PSMG1: variants seen among roughly 807,000 people sequenced by gnomAD.
PSMG1 encodes proteasome assembly chaperone 1, also known as Down syndrome critical region gene 2.
Under a neutral mutation model 37.2 loss-of-function variants are expected in PSMG1, and 23 were observed. The observed-to-expected ratio is 0.62, with a 90% CI of 0.44 to 0.88. The LOEUF is 0.88. Among genes scored for constraint, PSMG1 ranks in the 40% least tolerant of loss-of-function variants. PSMG1 has a pLI of 0.00. For missense variants in PSMG1, 340 were observed against 344.2 expected, an observed-to-expected ratio of 0.99 and a Z score of 0.10; for synonymous variants, 127 against 128.0, an observed-to-expected ratio of 0.99 and a Z score of 0.05.
chr21:39,180,062 G>A lies in PSMG1; in HGVS notation c.394-76C>T, dbSNP rs1055808697. On this transcript the variant is annotated intron_variant, in intron 3 of 6. Coordinates refer to ENST00000331573, the MANE Select transcript of PSMG1 (RefSeq NM_003720.4). Reference sequence around the variant, plus strand: ...CAAACTATCACCATATATGTAACATGTGAATGACAACACTTAGGTAATACT... The same window carrying A: ...CAAACTATCACCATATATGTAACATATGAATGACAACACTTAGGTAATACT... 92 of 1,441,366 alleles carry A rather than the reference G, an allele frequency of 6.4e-5. No individual in the cohort carries two copies. The Middle Eastern group carries it at 1.4e-3, about 22-fold the overall frequency. 89.3% of individuals were successfully genotyped at this position (1,441,366 alleles called of 1,614,324 possible). A position where few individuals can be genotyped will look rare whatever the true frequency, so the allele number is the denominator to read the frequency against.
At chr21:39,178,730 A>C in intron 4 of PSMG1, 83 bp from the exon 5 acceptor site, 2 of 1,255,106 alleles carry the variant, frequency 1.6e-6, no homozygotes, top group South Asian at 2.8e-5. Context: ...TTCACCTAAC[A>C]CCACAGACAA....
In PSMG1 at chr21:39,177,258, A is replaced by C. The variant is rs113864911; in HGVS notation, c.792+177T>G. Among the ~76,000 whole-genome samples, 105 of 152,372 alleles carry C rather than the reference A, an allele frequency of 6.9e-4. 1 individual carries two copies. The highest frequency in any genetic ancestry group is 6.8e-3 in the Middle Eastern group (2 of 294). ...GAACAAAGCATTCGTCAAGTTACAGACGTATACAGAAGAGATGATGACAAT... is the reference window on the plus strand; with the variant it reads ...GAACAAAGCATTCGTCAAGTTACAGCCGTATACAGAAGAGATGATGACAAT... On this transcript the variant is annotated intron_variant, in intron 6 of 6. Transcript: ENST00000331573.
At chr21:39,177,842 TCTA>T (rs1465394190) in intron 5 of PSMG1, among the ~76,000 whole-genome samples, 2 of 152,166 alleles carry the variant, frequency 1.3e-5, no homozygotes, top group East Asian at 3.8e-4. Context: ...AGATTAAAAT[TCTA>T]CTGACTATAA....
At position 39,177,428 on chromosome 21, in the gene PSMG1, A is replaced by G; in HGVS notation, c.792+7T>C. The G allele has an allele frequency of 6.3e-7, 1 of 1,576,950 alleles. No homozygotes were observed. Among genetic ancestry groups the G allele is most frequent in the Admixed American group, 2.0e-5 (1 of 50,522 alleles). The stretch of plus-strand genomic sequence containing the variant: ...CAGCTATTAATTTAAATGAGTTAAA[A>G]CCTTACCTTAACCAAACCCTTCAAG... On this transcript the variant is annotated splice_region_variant and intron_variant, in intron 6 of 6. Transcript: ENST00000331573.
chr21:39,181,969 A>G (rs1333781522), intron 1 of PSMG1, 91 bp from the exon 2 acceptor site: 8 of 727,240 alleles, frequency 1.1e-5, no homozygotes, highest in Non-Finnish European at 1.7e-5. Context: ...ACAATAAATA[A>G]AATGCACGTT....
At position 39,183,343 on chromosome 21, in the gene PSMG1, G is replaced by A. The variant is rs1178582445; in HGVS notation, c.43C>T (p.Arg15Ter). 3 of 1,573,532 alleles carry A rather than the reference G, an allele frequency of 1.9e-6. No individual in the cohort carries two copies. The highest frequency in any genetic ancestry group is 1.4e-5 in the African/African-American group (1 of 72,772). ...FFGEVVKAPCRAGTEDEEEEE... is the reference protein window; with the variant it reads ...FFGEVVKAPC ...TCCTCTTCGTCCTCAGTCCCAGCTCGGCACGGCGCCTTCACCACCTCTCCG... is the reference window on the plus strand; with the variant it reads ...TCCTCTTCGTCCTCAGTCCCAGCTCAGCACGGCGCCTTCACCACCTCTCCG... Residue 15 changes from arginine (R) to a stop codon, truncating the protein, a stop_gained, in exon 1 of 7, where the codon CGA (arginine) becomes TGA (stop). Coordinates refer to ENST00000331573, the MANE Select transcript of PSMG1 (RefSeq NM_003720.4). LOFTEE classifies it high-confidence loss of function.
intron 1 of PSMG1, among the ~76,000 whole-genome samples, chr21:39,182,769 GCTA>G (rs1188511130): frequency 1.3e-5 from 2 of 152,088 alleles, no homozygotes; most frequent in African/African-American, 2.4e-5. Context: ...GTGTTCATCG[GCTA>G]CTGACACATC....
rs374248121 is a variant in PSMG1 at position 39,181,908 on chromosome 21, C to T, written c.135-30G>A. The T allele has an allele frequency of 6.0e-6, 9 of 1,488,912 alleles. No homozygotes were observed. The South Asian group carries it at 8.9e-5, about 15-fold the overall frequency. 92.2% of individuals were successfully genotyped at this position (1,488,912 alleles called of 1,614,324 possible). A position where few individuals can be genotyped will look rare whatever the true frequency, so the allele number is the denominator to read the frequency against. On this transcript the variant is annotated intron_variant, in intron 1 of 6. Transcript: ENST00000331573. ...CACAAGAAACAAGATGAAACTAAAGCAACTTCAATATAAACAGTATCATGG... is the reference window on the plus strand; with the variant it reads ...CACAAGAAACAAGATGAAACTAAAGTAACTTCAATATAAACAGTATCATGG...
At chr21:39,176,043 T>C (rs997709035) in intron 6 of PSMG1, among the ~76,000 whole-genome samples, 1 of 152,104 alleles carries the variant, frequency 6.6e-6, no homozygotes, top group Non-Finnish European at 1.5e-5. Flanking sequence ...TACCCAAGAT[T>C]CATCCATCTT....
At position 39,180,446 on chromosome 21, in the gene PSMG1, A is replaced by C. The variant is rs1221228025; in HGVS notation, c.242-10T>G. ...AATGATGACAGAAATGCTGTAAAAA[A>C]CAATTCACATAAGTTAGTGTTTGGC... On this transcript the variant is annotated splice_polypyrimidine_tract_variant and intron_variant, in intron 2 of 6. Coordinates refer to ENST00000331573, the MANE Select transcript of PSMG1 (RefSeq NM_003720.4). 1 of 1,572,116 alleles carries C rather than the reference A, an allele frequency of 6.4e-7. No individual in the cohort carries two copies. The highest frequency in any genetic ancestry group is 2.3e-5 in the East Asian group (1 of 44,218).
At chr21:39,182,383 A>C (rs2030869513) in intron 1 of PSMG1, among the ~76,000 whole-genome samples, 1 of 152,180 alleles carries the variant, frequency 6.6e-6, no homozygotes, top group Admixed American at 6.5e-5. Context: ...GGTTGCTCTA[A>C]ATGAAGTGAC....
In PSMG1 at chr21:39,181,802, A is replaced by T; in HGVS notation, c.211T>A (p.Phe71Ile). The T allele has an allele frequency of 1.9e-6, 3 of 1,589,944 alleles. No homozygotes were observed. The highest frequency in any genetic ancestry group is 2.6e-6 in the Non-Finnish European group (3 of 1,172,250). The change falls in exon 2 of 7, where the codon TTT becomes ATT. Residue 71 changes from phenylalanine to isoleucine, a missense_variant. Coordinates refer to ENST00000331573, the MANE Select transcript of PSMG1 (RefSeq NM_003720.4). ...SLLEKYPCSK[F>I]IIAIGNNAVA... ...GCATTATTTCCTATAGCAATTATAA[A>T]CTTGGAGCACGGATATTTTTCTAGC...
chr21:39,178,627 C>T lies in PSMG1; in HGVS notation c.477G>A (p.Arg159=). The stretch of plus-strand genomic sequence containing the variant: ...TGAGAATAGTTATCTGCATGTTCTT[C>T]CTTGGACAAGAGCCAAAAACCTAAC... ...WLEKVFGSCP[R]KNMQITILTC... The change falls in exon 5 of 7, where the codon AGG becomes AGA. Residue 159 remains arginine, a synonymous_variant. Transcript: ENST00000331573. 2 of 1,613,530 alleles carry T rather than the reference C, an allele frequency of 1.2e-6. No individual in the cohort carries two copies. The highest frequency in any genetic ancestry group is 1.7e-6 in the Non-Finnish European group (2 of 1,179,810).
intron 6 of PSMG1, among the ~76,000 whole-genome samples, chr21:39,175,996 T>C (rs77906221): frequency 1.2e-3 from 190 of 152,232 alleles, no homozygotes; most frequent in African/African-American, 4.2e-3. Context: ...CCTCACACTT[T>C]CCCACTCTGC....
intron 1 of PSMG1, 125 bp from the exon 2 acceptor site, chr21:39,182,003 T>C (rs760746810): frequency 5.8e-6 from 3 of 514,526 alleles, no homozygotes; most frequent in Non-Finnish European, 9.6e-6. Context: ...ATATAACTAA[T>C]ATCCTCAGAA....
intron 1 of PSMG1, among the ~76,000 whole-genome samples, chr21:39,182,884 C>T (rs2030908825): frequency 6.6e-6 from 1 of 152,104 alleles, no homozygotes; most frequent in Non-Finnish European, 1.5e-5. Flanking sequence ...GGGAGCGCTG[C>T]GGCCCAAGAC....
Position 39,175,598 on chromosome 21 carries a change from A to C in PSMG1, c.859T>G (p.Tyr287Asp). The C allele has an allele frequency of 6.3e-7, 1 of 1,591,766 alleles. No homozygotes were observed. The highest frequency in any genetic ancestry group is 8.6e-7 in the Non-Finnish European group (1 of 1,159,868). ...CAAAACAATGTTTAAGATCATGTAT[A>C]AATGTTACTCTGAATCTCATTTGTT... ...MTTNEIQSNI[Y>D]T The change falls in exon 7 of 7, where the codon TAT becomes GAT. Residue 287 changes from tyrosine to aspartate, a missense_variant. Coordinates refer to ENST00000331573, the MANE Select transcript of PSMG1 (RefSeq NM_003720.4).
chr21:39,181,822 T>C lies in PSMG1; in HGVS notation c.191A>G (p.Glu64Gly). 1.9e-6 allele frequency: 3 copies of C among 1,595,840 alleles called. No individual in the cohort carries two copies. The highest frequency in any genetic ancestry group is 2.6e-6 in the Non-Finnish European group (3 of 1,173,956). Residue 64 changes from glutamate to glycine, a missense_variant, in exon 2 of 7, where the codon GAA (glutamate) becomes GGA (glycine). Transcript: ENST00000331573. Reference protein sequence around the residue: ...TKTSLEVSLLEKYPCSKFIIA... With the variant: ...TKTSLEVSLLGKYPCSKFIIA... ...TATAAACTTGGAGCACGGATATTTT[T>C]CTAGCAAAGAAACTTCCAAAGATGT...
Position 39,177,567 on chromosome 21 carries a change from T to C in PSMG1, c.660A>G (p.Leu220=). Residue 220 remains leucine (L), a synonymous_variant, in exon 6 of 7, where the codon CTA becomes CTG. Coordinates refer to ENST00000331573, the MANE Select transcript of PSMG1 (RefSeq NM_003720.4). Reference sequence around the variant, plus strand: ...GGATTTTCCATACTTGACAGTAGCTTAGAACTATGAATACACAAGAAAAAA... The same window carrying C: ...GGATTTTCCATACTTGACAGTAGCTCAGAACTATGAATACACAAGAAAAAA... ...NIVHDLPAAV[L]SYCQVWKIPA... The C allele has an allele frequency of 1.3e-6, 2 of 1,555,842 alleles. No homozygotes were observed. The highest frequency in any genetic ancestry group is 1.7e-6 in the Non-Finnish European group (2 of 1,156,022).
Sources: gnomAD v4.1 joint callset for allele counts (sites outside exome capture counted in the v4.1 genomes callset) on GRCh38, gnomAD v4.1.1 for gene constraint, MANE v1.5 for transcripts, NCBI Gene and HGNC (gene_info 2026-07-23, HGNC 2026-07-21) for gene names.